Variants in TENM1 observed in about 807,000 individuals in gnomAD.
The protein encoded by TENM1 is teneurin transmembrane protein 1.
TENM1 carries 35 observed loss-of-function variants against 174.8 expected under a neutral mutation model. The ratio of observed to expected loss-of-function variants is 0.20; its 90% CI spans 0.15 to 0.27. The LOEUF is 0.27. Ranked by LOEUF, TENM1 falls within the 10% of genes least tolerant of loss-of-function variation. The pLI is 1.00. For missense variants in TENM1, 1,633 were observed against 2,130.1 expected, an observed-to-expected ratio of 0.77 and a Z score of 4.59; for synonymous variants, 781 against 798.7, an observed-to-expected ratio of 0.98 and a Z score of 0.37.
At chrX:124,786,415 T>C (rs1427856344) in intron 3 of TENM1, among the ~76,000 whole-genome samples, 2 of 111,923 alleles carry the variant, frequency 1.8e-5, no homozygotes, top group Non-Finnish European at 3.8e-5. Context: ...AGAGTCTCCC[T>C]TTCATATAGA....
chrX:125,114,603 T>A, the TENM1 span, among the ~76,000 whole-genome samples: 1 of 103,569 alleles, frequency 9.7e-6, no homozygotes, highest in Non-Finnish European at 1.9e-5. Context: ...GAGAATACTA[T>A]AAACACTTCT....
chrX:124,951,176 A>G (rs1253850071), intron 1 of TENM1, among the ~76,000 whole-genome samples: 1 of 112,088 alleles, frequency 8.9e-6, no homozygotes, highest in Non-Finnish European at 1.9e-5. Flanking sequence ...AAAACCACAG[A>G]ATAAAAAGTA....
At chrX:124,530,527 T>C (rs909833203) in intron 15 of TENM1, among the ~76,000 whole-genome samples, 17 of 111,281 alleles carry the variant, frequency 1.5e-4, no homozygotes, top group African/African-American at 5.6e-4. Context: ...TCATCAGAGG[T>C]ACTCAGCACT....
chrX:124,869,206 C>T (rs2057063709), intron 3 of TENM1, among the ~76,000 whole-genome samples: 1 of 110,181 alleles, frequency 9.1e-6, no homozygotes, highest in Non-Finnish European at 1.9e-5. Flanking sequence ...GCACTCCAGC[C>T]TGGGCCACAG....
chrX:125,202,873 T>G, the TENM1 span, among the ~76,000 whole-genome samples: 1 of 112,329 alleles, frequency 8.9e-6, no homozygotes, highest in South Asian at 3.7e-4. Flanking sequence ...GCAATCCTCC[T>G]GTTATGGAGT....
At chrX:125,031,405 G>A in the TENM1 span, among the ~76,000 whole-genome samples, 1 of 111,701 alleles carries the variant, frequency 9.0e-6, no homozygotes, top group African/African-American at 3.3e-5. Flanking sequence ...ATTGATCTGA[G>A]AAGTAAGGAC....
At chrX:124,553,078 A>C (rs1322392059) in intron 14 of TENM1, among the ~76,000 whole-genome samples, 1 of 111,580 alleles carries the variant, frequency 9.0e-6, no homozygotes. Context: ...CTCATCATGA[A>C]AGATGGGGTA....
At chrX:125,117,098 G>C in the TENM1 span, among the ~76,000 whole-genome samples, 3 of 110,795 alleles carry the variant, frequency 2.7e-5, no homozygotes, top group South Asian at 7.7e-4. Context: ...ATTGGTGGGA[G>C]TGTAAATTAG....
intron 1 of TENM1, among the ~76,000 whole-genome samples, chrX:124,941,665 AT>A (rs201847165): frequency 0.011 from 1,188 of 111,708 alleles, 19 homozygotes; most frequent in African/African-American, 0.036. Flanking sequence ...GAGAATCATT[AT>A]TTTTCCCCCT....
chrX:125,091,139 C>T, the TENM1 span, among the ~76,000 whole-genome samples: 1 of 109,114 alleles, frequency 9.2e-6, no homozygotes, highest in East Asian at 2.9e-4. Context: ...AGTTAAGGGA[C>T]CTGCAACAAG....
At chrX:125,011,763 G>A in the TENM1 span, among the ~76,000 whole-genome samples, 6 of 111,698 alleles carry the variant, frequency 5.4e-5, no homozygotes, top group South Asian at 3.8e-4. Flanking sequence ...TTTAACCACC[G>A]TGGAAGACAG....
intron 3 of TENM1, among the ~76,000 whole-genome samples, chrX:124,819,676 C>T (rs1423716342): frequency 9.0e-6 from 1 of 111,464 alleles, no homozygotes; most frequent in Non-Finnish European, 1.9e-5. Flanking sequence ...TTAGCTACTG[C>T]TAATCTTAGC....
intron 1 of TENM1, among the ~76,000 whole-genome samples, chrX:124,899,164 GCAC>G (rs1336964895): frequency 1.8e-5 from 2 of 110,917 alleles, no homozygotes; most frequent in East Asian, 5.7e-4. Flanking sequence ...CACTTACAAC[GCAC>G]CACAAGTAGT....
chrX:125,110,125 C>T, the TENM1 span, among the ~76,000 whole-genome samples: 6 of 111,609 alleles, frequency 5.4e-5, no homozygotes, highest in African/African-American at 1.6e-4. Context: ...ACTTTATGTA[C>T]ATTATCTCAT....
At position 124,932,661 on chromosome X, in the gene TENM1, AG is replaced by A. The variant is rs112721763; in HGVS notation, c.217+30875del. ...AGGATGAATAGGATTTGGAAATGCT[AG>A]AAAGAATCCAGAAAGAATGTATGAA... On this transcript the variant is annotated intron_variant, in intron 1 of 31. Coordinates refer to ENST00000422452, the Ensembl canonical transcript of TENM1. Among the ~76,000 whole-genome samples, 624 of 112,101 alleles carry A rather than the reference AG, an allele frequency of 5.6e-3. 7 individuals carry two copies. Among genetic ancestry groups the A allele is most frequent in the African/African-American group, 0.018 (553 of 30,890 alleles).
intron 3 of TENM1, among the ~76,000 whole-genome samples, chrX:124,794,596 C>T (rs1408165065): frequency 9.0e-6 from 1 of 110,961 alleles, no homozygotes; most frequent in Admixed American, 9.6e-5. Context: ...TCCTGGTTTC[C>T]CCACTTCCAA....
intron 23 of TENM1, among the ~76,000 whole-genome samples, chrX:124,432,381 T>A (rs1478897343): frequency 2.9e-5 from 3 of 104,937 alleles, no homozygotes; most frequent in African/African-American, 1.0e-4. Context: ...TCCTCCTGAT[T>A]ACACTCCCAG....
At chrX:125,008,233 T>C in the TENM1 span, among the ~76,000 whole-genome samples, 3 of 104,807 alleles carry the variant, frequency 2.9e-5, no homozygotes, top group Admixed American at 3.0e-4. Flanking sequence ...GTTGCAATCC[T>C]AGTCTCTAAT....
chrX:124,661,319 A>G (rs1336332545), intron 6 of TENM1, among the ~76,000 whole-genome samples: 1 of 112,350 alleles, frequency 8.9e-6, no homozygotes, highest in Non-Finnish European at 1.9e-5. Context: ...ATTATGCTAT[A>G]TAAACTATAT....
Sources: gnomAD v4.1 joint callset for allele counts (sites outside exome capture counted in the v4.1 genomes callset) on GRCh38, gnomAD v4.1.1 for gene constraint, MANE v1.5 for transcripts, NCBI Gene and HGNC (gene_info 2026-07-23, HGNC 2026-07-21) for gene names.